Variants in PSD3 observed in about 807,000 individuals in gnomAD.
PSD3 encodes PH and SEC7 domain-containing protein 3.
PSD3 carries 49 observed loss-of-function variants against 105.5 expected under a neutral mutation model. The observed-to-expected ratio is 0.46, with a 90% confidence interval of 0.37 to 0.59. PSD3 has a LOEUF of 0.59. PSD3 is among the 20% of genes least tolerant of loss of function. The pLI is 0.00. For synonymous variants in PSD3, 557 were observed against 457.8 expected (o/e 1.22, Z -2.77); for missense variants, 1,561 against 1,263.8 (o/e 1.24, Z -3.57).
intron 2 of PSD3, 71 bp from the exon 3 acceptor site, chr8:18,872,804 TCA>T: frequency 7.2e-7 from 1 of 1,395,580 alleles, no homozygotes; most frequent in Non-Finnish European, 9.7e-7. Flanking sequence ...TAATGCATAT[TCA>T]CACAGATTAG....
intron 2 of PSD3, among the ~76,000 whole-genome samples, chr8:18,876,665 G>A (rs144238773): frequency 6.6e-4 from 100 of 152,180 alleles, no homozygotes; most frequent in Middle Eastern, 3.4e-3. Context: ...CTCCTAAAGC[G>A]CTGGCATTAC....
chr8:18,689,621 G>C (rs1288658580), intron 9 of PSD3, among the ~76,000 whole-genome samples: 1 of 152,210 alleles, frequency 6.6e-6, no homozygotes. Context: ...TAATTCAAAA[G>C]GCTCTCATGA....
intron 11 of PSD3, among the ~76,000 whole-genome samples, chr8:18,616,168 G>C (rs1805646327): frequency 6.6e-6 from 1 of 152,262 alleles, no homozygotes; most frequent in South Asian, 2.1e-4. Context: ...GTCTGCTACA[G>C]ACTGCACCTG....
intron 1 of PSD3, among the ~76,000 whole-genome samples, chr8:19,057,824 G>A (rs753899291): frequency 2.0e-5 from 3 of 152,150 alleles, no homozygotes; most frequent in Admixed American, 6.6e-5. Context: ...ACTAGCTCTC[G>A]CATACATTGC....
At chr8:19,069,366 A>G (rs947728172) in intron 1 of PSD3, among the ~76,000 whole-genome samples, 1 of 152,078 alleles carries the variant, frequency 6.6e-6, no homozygotes, top group Non-Finnish European at 1.5e-5. Context: ...CATTCTTCCA[A>G]TGGGGGAAGG....
At chr8:18,608,484 C>T (rs1188841354) in intron 11 of PSD3, among the ~76,000 whole-genome samples, 2 of 152,158 alleles carry the variant, frequency 1.3e-5, no homozygotes, top group Non-Finnish European at 2.9e-5. Context: ...GAAAAATTGG[C>T]AGTTCCTCCA....
At chr8:18,626,244 G>A (rs941867664) in intron 11 of PSD3, among the ~76,000 whole-genome samples, 1 of 151,050 alleles carries the variant, frequency 6.6e-6, no homozygotes, top group East Asian at 2.0e-4. Flanking sequence ...AATGTTTAAA[G>A]TTAATTAAAA....
In PSD3 at chr8:18,799,292, T is replaced by TA. The variant is rs756652443; in HGVS notation, c.2082+2dup. On this transcript the variant is annotated splice_region_variant and intron_variant, in intron 8 of 15. Coordinates refer to ENST00000327040, the MANE Select transcript of PSD3 (RefSeq NM_015310.4). ...GATCTAAGTTTCACAAATCCACACT[T>TA]ACGTGGCCATGTAGATCGGTATTAA... 6.3e-7 allele frequency: 1 copy of TA among 1,598,132 alleles called. No homozygotes were observed. Among genetic ancestry groups the TA allele is most frequent in the African/African-American group, 1.3e-5 (1 of 74,518 alleles).
At chr8:19,066,779 C>A (rs1829088392) in intron 1 of PSD3, among the ~76,000 whole-genome samples, 1 of 152,204 alleles carries the variant, frequency 6.6e-6, no homozygotes, top group Non-Finnish European at 1.5e-5. Flanking sequence ...AACATGCCCA[C>A]CCACCCATAA....
At chr8:18,544,460 T>C (rs934296189) in intron 15 of PSD3, among the ~76,000 whole-genome samples, 2 of 151,970 alleles carry the variant, frequency 1.3e-5, no homozygotes, top group Admixed American at 1.3e-4. Flanking sequence ...GCTACTCCCA[T>C]GTCAGGCTTC....
chr8:18,632,249 C>A (rs1806954078), intron 11 of PSD3, among the ~76,000 whole-genome samples: 1 of 152,072 alleles, frequency 6.6e-6, no homozygotes, highest in Non-Finnish European at 1.5e-5. Flanking sequence ...TTTCCCTCAA[C>A]CACCAGAAAT....
chr8:19,020,218 T>C (rs1458952132), intron 1 of PSD3, among the ~76,000 whole-genome samples: 3 of 152,018 alleles, frequency 2.0e-5, no homozygotes, highest in African/African-American at 4.8e-5. Flanking sequence ...TAAATATATG[T>C]GATGTTATAT....
chr8:18,678,135 G>C (rs1057017194), intron 9 of PSD3, among the ~76,000 whole-genome samples: 5 of 152,044 alleles, frequency 3.3e-5, no homozygotes, highest in African/African-American at 9.7e-5. Context: ...AGAAAAATAG[G>C]CTTCTGAAGA....
At position 18,531,055 on chromosome 8, in the gene PSD3, T is replaced by C. The variant is rs1474199676; in HGVS notation, c.*4688A>G. 2 of 152,392 alleles carry C rather than the reference T, an allele frequency of 1.3e-5. No homozygotes were observed. Among genetic ancestry groups the C allele is most frequent in the East Asian group, 3.9e-4 (2 of 5,182 alleles). The allele number at this position is 152,392 out of a possible 1,614,324, so 9.4% of individuals were successfully genotyped here. On this transcript the variant is annotated 3_prime_UTR_variant, in exon 16 of 16. Coordinates refer to ENST00000327040, the MANE Select transcript of PSD3 (RefSeq NM_015310.4). Reference sequence around the variant, plus strand: ...ACTGATGCATTTACATACATACAACTATAAATACCCACAAATACAACAATG... The same window carrying C: ...ACTGATGCATTTACATACATACAACCATAAATACCCACAAATACAACAATG...
intron 1 of PSD3, among the ~76,000 whole-genome samples, chr8:19,071,956 C>A (rs181889524): frequency 6.6e-6 from 1 of 152,114 alleles, no homozygotes; most frequent in Non-Finnish European, 1.5e-5. Context: ...GCAATCCACT[C>A]GCCTCGGCCT....
chr8:18,899,680 T>C (rs994865626), intron 2 of PSD3, among the ~76,000 whole-genome samples: 1 of 152,064 alleles, frequency 6.6e-6, no homozygotes, highest in Non-Finnish European at 1.5e-5. Context: ...TCAAAAGAAC[T>C]TTAAAAGGCA....
intron 11 of PSD3, among the ~76,000 whole-genome samples, chr8:18,623,577 C>T (rs1806278406): frequency 1.3e-5 from 2 of 149,344 alleles, no homozygotes. Flanking sequence ...AAGTCTGAGG[C>T]TGCAGTGAGC....
chr8:18,840,540 C>T (rs113999938), intron 4 of PSD3, among the ~76,000 whole-genome samples: 18 of 152,334 alleles, frequency 1.2e-4, no homozygotes, highest in African/African-American at 3.6e-4. Flanking sequence ...TGGTCTAAGA[C>T]GTTTACAGGC....
At chr8:18,892,281 T>C (rs1331138955) in intron 2 of PSD3, among the ~76,000 whole-genome samples, 3 of 151,906 alleles carry the variant, frequency 2.0e-5, no homozygotes, top group African/African-American at 4.8e-5. Flanking sequence ...TGGAGTGCAG[T>C]GGTGCTATCT....
Sources: gnomAD v4.1 joint callset for allele counts (sites outside exome capture counted in the v4.1 genomes callset) on GRCh38, gnomAD v4.1.1 for gene constraint, MANE v1.5 for transcripts, NCBI Gene and HGNC (gene_info 2026-07-23, HGNC 2026-07-21) for gene names.